Variants in ARHGEF12 observed in about 807,000 individuals in gnomAD.
ARHGEF12 encodes KMT2A/ARHGEF12 fusion protein.
Under a neutral mutation model 211.2 loss-of-function variants are expected in ARHGEF12, and 66 were observed. The observed-to-expected ratio is 0.31, with a 90% CI of 0.26 to 0.38. The LOEUF (loss-of-function observed/expected upper bound fraction) is 0.38, where lower values mean the gene tolerates loss of function less well. Among genes scored for constraint, ARHGEF12 ranks in the 10% least tolerant of loss-of-function variants. The probability of loss-of-function intolerance (pLI) is 1.00; values close to 1 mark genes in which losing one functional copy is unlikely to be tolerated. For synonymous variants in ARHGEF12, 592 were observed against 638.4 expected, an observed-to-expected ratio of 0.93 and a Z score of 1.09; for missense variants, 1,429 against 1,869.5, an observed-to-expected ratio of 0.76 and a Z score of 4.34.
chr11:120,468,229 G>T (rs571205074), intron 29 of ARHGEF12, among the ~76,000 whole-genome samples: 1 of 152,244 alleles, frequency 6.6e-6, no homozygotes, highest in Non-Finnish European at 1.5e-5. Flanking sequence ...CTTGTTTCTT[G>T]TGCCTGAGAA....
intron 1 of ARHGEF12, among the ~76,000 whole-genome samples, chr11:120,403,944 C>G (rs1288424518): frequency 1.3e-5 from 2 of 152,178 alleles, no homozygotes; most frequent in Non-Finnish European, 2.9e-5. Context: ...AGCTTTCAGA[C>G]CTGCCTTTCT....
At chr11:120,381,376 A>G (rs1591523405) in intron 1 of ARHGEF12, among the ~76,000 whole-genome samples, 1 of 152,140 alleles carries the variant, frequency 6.6e-6, no homozygotes, top group Non-Finnish European at 1.5e-5. Context: ...CAGCCACCCC[A>G]TTATCCATCC....
chr11:120,366,610 A>G (rs1423815207), intron 1 of ARHGEF12, among the ~76,000 whole-genome samples: 1 of 152,196 alleles, frequency 6.6e-6, no homozygotes, highest in Non-Finnish European at 1.5e-5. Flanking sequence ...GCAACAGGTA[A>G]ATTAACATGA....
rs140105367 is a variant in ARHGEF12 at position 120,489,750 on chromosome 11, G to A, written c.*4673G>A. The A allele has an allele frequency of 3.5e-4, 69 of 195,454 alleles. No individual in the cohort carries two copies. The highest frequency in any genetic ancestry group is 6.7e-4 in the Non-Finnish European group (63 of 94,076). 12.1% of individuals were successfully genotyped at this position (195,454 alleles called of 1,614,324 possible). On this transcript the variant is annotated 3_prime_UTR_variant, in exon 41 of 41. Transcript: ENST00000397843. ...TTTTAAAGATTAAGACTATTCAAAT[G>A]TACTTTGCGGAAATTAACCTGTTTG...
intron 22 of ARHGEF12, among the ~76,000 whole-genome samples, chr11:120,453,024 A>T: frequency 6.6e-6 from 1 of 151,880 alleles, no homozygotes. Context: ...AAAACAAAAA[A>T]AAACGACAAG....
chr11:120,349,887 T>C (rs1448303746), intron 1 of ARHGEF12, among the ~76,000 whole-genome samples: 2 of 152,234 alleles, frequency 1.3e-5, no homozygotes, highest in Admixed American at 1.3e-4. Flanking sequence ...CCTTATCTTT[T>C]ATATTTCAGG....
At chr11:120,406,220 A>G (rs1041829530) in intron 2 of ARHGEF12, 79 bp downstream of exon 2, 3 of 1,060,168 alleles carry the variant, frequency 2.8e-6, no homozygotes, top group Non-Finnish European at 1.3e-6. Flanking sequence ...ATTATGGTGG[A>G]TTTTTGTGGT....
intron 1 of ARHGEF12, among the ~76,000 whole-genome samples, chr11:120,377,941 A>T (rs1435867332): frequency 6.6e-6 from 1 of 151,304 alleles, no homozygotes; most frequent in African/African-American, 2.4e-5. Context: ...TCTTTTATTT[A>T]TTTTTTTAGA....
intron 1 of ARHGEF12, among the ~76,000 whole-genome samples, chr11:120,386,395 TTC>T (rs1944030598): frequency 6.6e-6 from 1 of 152,158 alleles, no homozygotes; most frequent in South Asian, 2.1e-4. Context: ...TGCTACAGAC[TTC>T]TCTATTTAGG....
rs1266193187 is a variant in ARHGEF12, at chr11:120,480,359, G to A, written c.4166G>A (p.Ser1389Asn). The A allele has an allele frequency of 6.2e-7, 1 of 1,614,222 alleles. No individual in the cohort carries two copies. The highest frequency in any genetic ancestry group is 1.1e-5 in the South Asian group (1 of 91,082). ...EHFFDAREAH[S>N]DENPSEGDGA... The stretch of plus-strand genomic sequence containing the variant: ...TTTTTTGATGCCCGTGAAGCACATA[G>A]TGATGAGAATCCATCAGAAGGTGAT... The change falls in exon 38 of 41, where the codon AGT becomes AAT. Residue 1389 changes from serine to asparagine, a missense_variant. Coordinates refer to ENST00000397843, the MANE Select transcript of ARHGEF12 (RefSeq NM_015313.3).
In ARHGEF12 at chr11:120,458,177, C is replaced by G. The variant is rs200930070; in HGVS notation, c.2323C>G (p.Arg775Gly). Residue 775 changes from arginine to glycine, a missense_variant, in exon 25 of 41, where the codon CGA becomes GGA. Transcript: ENST00000397843. ...DPPNWQQLVS[R>G]EVLLGLKPCE... ...ACCCAACTGGCAGCAGCTTGTTAGT[C>G]GAGAAGTGTTACTGGGACTAAAACC... 2 of 1,612,940 alleles carry G rather than the reference C, an allele frequency of 1.2e-6. No homozygotes were observed. The highest frequency in any genetic ancestry group is 1.7e-6 in the Non-Finnish European group (2 of 1,179,710).
chr11:120,436,615 G>A (rs1466677272), intron 11 of ARHGEF12, among the ~76,000 whole-genome samples: 1 of 152,136 alleles, frequency 6.6e-6, no homozygotes, highest in Non-Finnish European at 1.5e-5. Flanking sequence ...AAATGCATCT[G>A]TACTGAATAT....
In ARHGEF12 at chr11:120,481,434, C is replaced by A. The variant is rs759526229; in HGVS notation, c.4412C>A (p.Thr1471Asn). 1.9e-6 allele frequency: 3 copies of A among 1,614,064 alleles called. No homozygotes were observed. Among genetic ancestry groups the A allele is most frequent in the South Asian group, 1.1e-5 (1 of 91,084 alleles). ...THSDGAISPF[T>N]PEFLVQQRWG... ...TCCGATGGGGCAATTTCACCATTCA[C>A]CCCCGAATTTCTGGTCCAGCAGCGC... is the stretch of plus-strand genomic sequence containing the variant. Residue 1471 changes from threonine to asparagine, a missense_variant, in exon 39 of 41, where the codon ACC (threonine) becomes AAC (asparagine). This residue lies in a region of ARHGEF12 where 467 missense variants were observed against 468.4 expected (regional missense o/e 1.00). Coordinates refer to ENST00000397843, the MANE Select transcript of ARHGEF12 (RefSeq NM_015313.3).
At chr11:120,407,017 A>T (rs1455178906) in intron 2 of ARHGEF12, among the ~76,000 whole-genome samples, 1 of 152,208 alleles carries the variant, frequency 6.6e-6, no homozygotes, top group Non-Finnish European at 1.5e-5. Context: ...TATCATAAAT[A>T]TTATTTAAAA....
rs1946347686 is a variant in ARHGEF12, at chr11:120,455,912, G to A, written c.2057-1206G>A. On this transcript the variant is annotated intron_variant, in intron 22 of 40. Transcript: ENST00000397843. ...AAATAAGTCATGATTTAAACATGAAGCAAAATAAAAAGTGGCATGATCTTT... is the reference window on the plus strand; with the variant it reads ...AAATAAGTCATGATTTAAACATGAAACAAAATAAAAAGTGGCATGATCTTT... 2.0e-5 allele frequency among the ~76,000 whole-genome samples: 3 copies of A among 152,280 alleles called. No individual in the cohort carries two copies. In the South Asian group the frequency reaches 6.2e-4, roughly 32 times the overall value.
chr11:120,445,464 G>C lies in ARHGEF12; in HGVS notation c.1345G>C (p.Glu449Gln). 6.2e-7 allele frequency: 1 copy of C among 1,613,998 alleles called. No homozygotes were observed. The highest frequency in any genetic ancestry group is 8.5e-7 in the Non-Finnish European group (1 of 1,179,862). The change falls in exon 16 of 41, where the codon GAA becomes CAA. Residue 449 changes from glutamate (E) to glutamine (Q), a missense_variant and splice_region_variant. By Grantham distance (29) the Glu-to-Gln change is conservative (BLOSUM62 2). Around this residue, in one of 7 missense-constraint regions of ARHGEF12, gnomAD observed 373 missense variants for 467.5 expected, o/e 0.80. Transcript: ENST00000397843. ...SVPDEMSADL[E>Q]KRRPELIPED... Reference sequence around the variant, plus strand: ...TCCTGATGAAATGTCTGCAGATCTAGGTAAGCTTGGAGCACTAACATCCTG... The same window carrying C: ...TCCTGATGAAATGTCTGCAGATCTACGTAAGCTTGGAGCACTAACATCCTG...
chr11:120,393,510 A>G (rs1221295851), intron 1 of ARHGEF12, among the ~76,000 whole-genome samples: 1 of 152,224 alleles, frequency 6.6e-6, no homozygotes, highest in Non-Finnish European at 1.5e-5. Flanking sequence ...TCTACATTAA[A>G]GGAAAACTAG....
intron 1 of ARHGEF12, among the ~76,000 whole-genome samples, chr11:120,341,844 A>G (rs553505750): frequency 6.6e-6 from 1 of 152,332 alleles, no homozygotes; most frequent in East Asian, 1.9e-4. Flanking sequence ...CAGGTTTTCA[A>G]AATAGTGCCA....
At chr11:120,418,589 G>A (rs1207358523) in intron 4 of ARHGEF12, among the ~76,000 whole-genome samples, 1 of 152,156 alleles carries the variant, frequency 6.6e-6, no homozygotes, top group African/African-American at 2.4e-5. Context: ...GCAAATATAT[G>A]CTTACCTTTA....
Sources: allele counts gnomAD v4.1 joint callset (sites outside exome capture counted in the v4.1 genomes callset), GRCh38; gene constraint gnomAD v4.1.1; regional missense constraint gnomAD v4.1.1; transcripts MANE v1.5; gene names NCBI Gene and HGNC (gene_info 2026-07-23, HGNC 2026-07-21).